The following JHY variants were observed in gnomAD, a reference collection of about 807,000 sequenced individuals.
The protein encoded by JHY is junctional cadherin complex regulator.
A neutral mutation model predicts 78.0 loss-of-function variants in JHY; 69 were observed. That is an observed-to-expected ratio of 0.88 (90% CI 0.73 to 1.08). The LOEUF (loss-of-function observed/expected upper bound fraction) is 1.08, where lower values mean the gene tolerates loss of function less well. Ranked by LOEUF, JHY falls within the 50% of genes least tolerant of loss-of-function variation. The pLI is 0.00. For synonymous variants in JHY, 368 were observed against 342.6 expected (o/e 1.07, Z -0.82); for missense variants, 944 against 927.8 (o/e 1.02, Z -0.23).
At chr11:122,922,019 G>T (rs544925326) in intron 3 of JHY, among the ~76,000 whole-genome samples, 1 of 152,150 alleles carries the variant, frequency 6.6e-6, no homozygotes, top group African/African-American at 2.4e-5. Context: ...CTCATTTATA[G>T]TTCTAAGCTT....
At chr11:122,947,886 C>T (rs866817709) in intron 6 of JHY, among the ~76,000 whole-genome samples, 1 of 152,056 alleles carries the variant, frequency 6.6e-6, no homozygotes, top group Non-Finnish European at 1.5e-5. Context: ...GGTGGCCCTT[C>T]GAAGGCAAGG....
intron 1 of JHY, among the ~76,000 whole-genome samples, chr11:122,885,090 G>GT (rs1178213406): frequency 2.0e-5 from 3 of 151,672 alleles, no homozygotes; most frequent in African/African-American, 7.3e-5. Flanking sequence ...TATTACAGGC[G>GT]TGATTGTTGA....
chr11:122,898,059 A>G lies in JHY; in HGVS notation c.345-5866A>G, dbSNP rs541089012. Among the ~76,000 whole-genome samples the G allele has an allele frequency of 3.3e-5, 5 of 152,362 alleles. No individual in the cohort carries two copies. In the East Asian group the frequency reaches 9.6e-4, roughly 29 times the overall value. Reference sequence around the variant, plus strand: ...GTGATAAGTCACATCCTCCTGTTTTAAATACCCATAACGTCCTGTATTTCT... The same window carrying G: ...GTGATAAGTCACATCCTCCTGTTTTGAATACCCATAACGTCCTGTATTTCT... On this transcript the variant is annotated intron_variant, in intron 2 of 8. Coordinates refer to ENST00000227349, the MANE Select transcript of JHY (RefSeq NM_024806.4). This position sits in a 1 kb window ranked among gnomAD's most constrained non-coding sequence, Gnocchi z 4.4.
chr11:122,936,114 C>T (rs1228865578), intron 5 of JHY, among the ~76,000 whole-genome samples: 1 of 152,166 alleles, frequency 6.6e-6, no homozygotes. Flanking sequence ...CTTCTATAAA[C>T]AGGAAAATGA....
rs771316404 is a variant in JHY at position 122,924,905 on chromosome 11, C to T, written c.873C>T (p.Tyr291=). The T allele has an allele frequency of 6.2e-7, 1 of 1,612,800 alleles. No homozygotes were observed. Among genetic ancestry groups the T allele is most frequent in the Non-Finnish European group, 8.5e-7 (1 of 1,179,014 alleles). Residue 291 remains tyrosine, a synonymous_variant, in exon 4 of 9, where the codon TAC becomes TAT. Coordinates refer to ENST00000227349, the MANE Select transcript of JHY (RefSeq NM_024806.4). The part of the protein sequence containing the change: ...RGESHPEQIS[Y]PVRVTDKTSI... ...GTGTTTTACCTACCTAGATCTCCTA[C>T]CCCGTCAGAGTAACAGACAAGACGT...
Position 122,898,360 on chromosome 11 carries a change from G to T in JHY, c.345-5565G>T, listed in dbSNP as rs1388673395. On this transcript the variant is annotated intron_variant, in intron 2 of 8. Coordinates refer to ENST00000227349, the MANE Select transcript of JHY (RefSeq NM_024806.4). This position sits in a 1 kb window ranked among gnomAD's most constrained non-coding sequence, Gnocchi z 4.4. ...GGGTACAATGCAACATGATGTGCAG[G>T]AGCCCGATCCAGAGCAGACTGCCAG... Among the ~76,000 whole-genome samples, 1 of 152,164 alleles carries T rather than the reference G, an allele frequency of 6.6e-6. No individual in the cohort carries two copies. The highest frequency in any genetic ancestry group is 1.5e-5 in the Non-Finnish European group (1 of 68,034).
chr11:122,887,665 T>G lies in JHY; in HGVS notation c.344+1472T>G, dbSNP rs187504455. 4.2e-4 allele frequency among the ~76,000 whole-genome samples: 64 copies of G among 151,672 alleles called. 1 individual carries two copies. The East Asian group carries it at 0.011, about 27-fold the overall frequency. Reference sequence around the variant, plus strand: ...TCAGGCTGAAATATATTAAGGAAAGTTTATTGGAAGGCCTAGAACTTGGAC... The same window carrying G: ...TCAGGCTGAAATATATTAAGGAAAGGTTATTGGAAGGCCTAGAACTTGGAC... On this transcript the variant is annotated intron_variant, in intron 2 of 8. Transcript: ENST00000227349.
At chr11:122,901,734 G>A (rs552384008) in intron 2 of JHY, among the ~76,000 whole-genome samples, 17 of 152,060 alleles carry the variant, frequency 1.1e-4, no homozygotes, top group East Asian at 3.9e-4. Context: ...TTAGCCAGGC[G>A]CGGTGGCAGG....
intron 2 of JHY, among the ~76,000 whole-genome samples, chr11:122,895,189 G>C (rs959366350): frequency 2.0e-5 from 3 of 152,146 alleles, no homozygotes; most frequent in Admixed American, 6.5e-5. Flanking sequence ...TGAATTTGCT[G>C]TTCATATGCA....
chr11:122,907,572 C>T (rs190681350), intron 3 of JHY, among the ~76,000 whole-genome samples: 1 of 152,096 alleles, frequency 6.6e-6, no homozygotes, highest in East Asian at 1.9e-4. Context: ...TGACCAGGTG[C>T]GGTGGCTCAC....
At chr11:122,907,763 G>A (rs527484449) in intron 3 of JHY, among the ~76,000 whole-genome samples, 102 of 147,230 alleles carry the variant, frequency 6.9e-4, no homozygotes, top group African/African-American at 2.3e-3. Flanking sequence ...AGAATCGCTC[G>A]AACCCAGGGC....
chr11:122,908,891 C>T (rs996348015), intron 3 of JHY, among the ~76,000 whole-genome samples: 2 of 152,044 alleles, frequency 1.3e-5, no homozygotes, highest in Non-Finnish European at 1.5e-5. Context: ...GTAGAGATTT[C>T]AGGAAATCCT....
intron 5 of JHY, among the ~76,000 whole-genome samples, chr11:122,943,023 C>T (rs1863904651): frequency 6.6e-6 from 1 of 152,088 alleles, no homozygotes; most frequent in South Asian, 2.1e-4. Flanking sequence ...TACAGACAGG[C>T]TCCACCACAC....
At position 122,961,100 on chromosome 11, in the gene JHY, C is replaced by A; in HGVS notation, c.*1655C>A. ...AGCCAGTTATGTAAATGTATCTATCCCAATTGAGAGAGCCAGAAACAGTTG... is the reference window on the plus strand; with the variant it reads ...AGCCAGTTATGTAAATGTATCTATCACAATTGAGAGAGCCAGAAACAGTTG... On this transcript the variant is annotated 3_prime_UTR_variant, in exon 9 of 9. Transcript: ENST00000227349. The A allele has an allele frequency of 9.9e-7, 1 of 1,010,726 alleles. No homozygotes were observed. The highest frequency in any genetic ancestry group is 2.6e-5 in the East Asian group (1 of 38,230). The allele number at this position is 1,010,726 out of a possible 1,614,324, so 62.6% of individuals were successfully genotyped here. A position where few individuals can be genotyped will look rare whatever the true frequency, so the allele number is the denominator to read the frequency against.
Position 122,957,381 on chromosome 11 carries a change from C to T in JHY, c.2029C>T (p.Gln677Ter), listed in dbSNP as rs1383577508. The part of the protein sequence containing the change: ...IRDKTQKLIQ[Q>*]KEYAKQVKEY... ...TGAACAGACGCAAAAATTAATACAG[C>T]AAAAGGAATATGCAAAACAAGTCAA... The change falls in exon 8 of 9, where the codon CAA becomes TAA. Residue 677 changes from glutamine (Q) to a stop codon, truncating the protein, a stop_gained. Transcript: ENST00000227349. LOFTEE classifies it high-confidence loss of function. 1 of 1,530,360 alleles carries T rather than the reference C, an allele frequency of 6.5e-7. No individual in the cohort carries two copies. The highest frequency in any genetic ancestry group is 8.7e-7 in the Non-Finnish European group (1 of 1,151,874). 94.8% of individuals were successfully genotyped at this position (1,530,360 alleles called of 1,614,324 possible). A position where few individuals can be genotyped will look rare whatever the true frequency, so the allele number is the denominator to read the frequency against.
Position 122,962,836 on chromosome 11 carries a change from A to C in JHY, c.*3391A>C, listed in dbSNP as rs1411330514. ...AGGTTACATGACTCGGAAGTCCATC[A>C]GTCCTACTGAGAGTAATGGGAGGGG... On this transcript the variant is annotated 3_prime_UTR_variant, in exon 9 of 9. Transcript: ENST00000227349. Among the ~76,000 whole-genome samples the C allele has an allele frequency of 6.6e-6, 1 of 152,216 alleles. No homozygotes were observed. Among genetic ancestry groups the C allele is most frequent in the African/African-American group, 2.4e-5 (1 of 41,464 alleles).
chr11:122,909,794 A>T (rs774132625), intron 3 of JHY, among the ~76,000 whole-genome samples: 28 of 152,036 alleles, frequency 1.8e-4, no homozygotes, highest in Admixed American at 5.3e-4. Flanking sequence ...AATAAATTAA[A>T]TAAATAAATA....
At chr11:122,905,723 C>T (rs1476383651) in intron 3 of JHY, 3 of 395,138 alleles carry the variant, frequency 7.6e-6, no homozygotes, top group African/African-American at 2.2e-5. Context: ...AAAAATTAGC[C>T]GGGTGTGGTG....
At chr11:122,887,562 C>A (rs1350464072) in intron 2 of JHY, among the ~76,000 whole-genome samples, 1 of 151,980 alleles carries the variant, frequency 6.6e-6, no homozygotes, top group African/African-American at 2.4e-5. Flanking sequence ...ATCTTGTGAT[C>A]CGCCCACCTT....
Sources: allele counts gnomAD v4.1 joint callset (sites outside exome capture counted in the v4.1 genomes callset), GRCh38; gene constraint gnomAD v4.1.1; non-coding constraint Gnocchi (gnomAD v3.1); transcripts MANE v1.5; gene names NCBI Gene and HGNC (gene_info 2026-07-23, HGNC 2026-07-21).